Variants in DPYD observed in about 807,000 individuals in gnomAD.
The protein encoded by DPYD is dihydropyrimidine dehydrogenase [NADP(+)].
In DPYD, 109 loss-of-function variants were observed where a neutral mutation model predicts 116.2. That is an observed-to-expected ratio of 0.94 (90% CI 0.80 to 1.10). The LOEUF (loss-of-function observed/expected upper bound fraction) is 1.10. DPYD is among the 50% of genes least tolerant of loss of function. The pLI is 0.00. For synonymous variants in DPYD, 440 were observed against 432.0 expected (o/e 1.02, Z -0.23); for missense variants, 1,302 against 1,254.5 (o/e 1.04, Z -0.57).
chr1:97,593,177 G>A, intron 10 of DPYD, 41 bp downstream of exon 10: 2 of 1,593,428 alleles, frequency 1.3e-6, no homozygotes. Context: ...CCTAAAATCT[G>A]TTGGAGTACA....
intron 13 of DPYD, among the ~76,000 whole-genome samples, chr1:97,488,092 A>C (rs1678752330): frequency 6.6e-6 from 1 of 150,710 alleles, no homozygotes; most frequent in Non-Finnish European, 1.5e-5. Context: ...CAAGTCAGCA[A>C]AAAAAAAAGG....
intron 14 of DPYD, among the ~76,000 whole-genome samples, chr1:97,401,536 A>T (rs1673379321): frequency 6.6e-6 from 1 of 151,730 alleles, no homozygotes; most frequent in African/African-American, 2.4e-5. Flanking sequence ...CTGGTTTCAA[A>T]CTCCTGACCT....
intron 18 of DPYD, among the ~76,000 whole-genome samples, chr1:97,295,248 T>C (rs1330167339): frequency 6.6e-6 from 1 of 152,102 alleles, no homozygotes; most frequent in African/African-American, 2.4e-5. Context: ...TCTGGGCACA[T>C]AAAGATTGTA....
intron 20 of DPYD, among the ~76,000 whole-genome samples, chr1:97,173,446 G>A (rs1450608530): frequency 1.4e-5 from 2 of 140,056 alleles, no homozygotes; most frequent in African/African-American, 5.6e-5. Flanking sequence ...ACATATATAT[G>A]TAAAATGAGT....
At chr1:97,343,398 T>C (rs1278685869) in intron 16 of DPYD, among the ~76,000 whole-genome samples, 1 of 152,146 alleles carries the variant, frequency 6.6e-6, no homozygotes, top group Non-Finnish European at 1.5e-5. Context: ...AGGTTGCATG[T>C]GTATTATCAT....
intron 16 of DPYD, among the ~76,000 whole-genome samples, chr1:97,348,909 G>A (rs534417171): frequency 2.6e-5 from 4 of 152,288 alleles, no homozygotes; most frequent in African/African-American, 9.6e-5. Flanking sequence ...TTCTGCTTCA[G>A]TTCTCTGAGC....
intron 12 of DPYD, among the ~76,000 whole-genome samples, chr1:97,527,813 A>AAC (rs397802476): frequency 6.7e-6 from 1 of 148,728 alleles, no homozygotes; most frequent in Non-Finnish European, 1.5e-5. Context: ...AAAAAAAAAA[A>AAC]GGAAGAGAAA....
intron 20 of DPYD, among the ~76,000 whole-genome samples, chr1:97,098,883 A>C (rs1439203046): frequency 1.3e-5 from 2 of 152,158 alleles, no homozygotes; most frequent in Non-Finnish European, 2.9e-5. Flanking sequence ...ACAAATGTTA[A>C]TTAAAATACA....
At chr1:97,540,828 C>G (rs1650399171) in intron 12 of DPYD, among the ~76,000 whole-genome samples, 1 of 152,090 alleles carries the variant, frequency 6.6e-6, no homozygotes, top group Non-Finnish European at 1.5e-5. Context: ...AGCCATCAGT[C>G]AACTCATTAG....
chr1:97,477,360 C>T (rs573786339), intron 13 of DPYD, among the ~76,000 whole-genome samples: 2 of 152,248 alleles, frequency 1.3e-5, no homozygotes, highest in Admixed American at 6.5e-5. Context: ...CATCTTTAGG[C>T]TTCACTTCTA....
At chr1:97,119,573 G>T (rs1652264268) in intron 20 of DPYD, among the ~76,000 whole-genome samples, 1 of 152,072 alleles carries the variant, frequency 6.6e-6, no homozygotes. Flanking sequence ...AGAAGGAGGG[G>T]CAACCTTTCT....
chr1:97,310,016 CAGA>C (rs1197724042), intron 16 of DPYD, among the ~76,000 whole-genome samples: 1 of 151,640 alleles, frequency 6.6e-6, no homozygotes, highest in Non-Finnish European at 1.5e-5. Flanking sequence ...ATAAGCACTA[CAGA>C]ATGAGACTGA....
intron 20 of DPYD, among the ~76,000 whole-genome samples, chr1:97,179,180 T>C (rs1191524763): frequency 2.6e-5 from 4 of 152,222 alleles, no homozygotes; most frequent in Non-Finnish European, 5.9e-5. Flanking sequence ...CAAAGTCAGA[T>C]GGCATTCCAG....
intron 5 of DPYD, among the ~76,000 whole-genome samples, chr1:97,704,411 T>C (rs532358377): frequency 6.6e-6 from 1 of 152,136 alleles, no homozygotes; most frequent in African/African-American, 2.4e-5. Flanking sequence ...ATGAATAGAT[T>C]GTGTAAGTTA....
intron 3 of DPYD, chr1:97,797,097 A>T (rs1889229): frequency 0.76 from 115,374 of 152,034 alleles, 44,168 homozygotes; most frequent in East Asian, 0.98. Flanking sequence ...GCCAGTTTAT[A>T]TTTTACAACA....
intron 14 of DPYD, among the ~76,000 whole-genome samples, chr1:97,409,951 A>C (rs552755593): frequency 2.0e-5 from 3 of 152,070 alleles, no homozygotes; most frequent in Non-Finnish European, 4.4e-5. Context: ...GGTGGTGCTC[A>C]CCTGTAATCC....
At chr1:97,124,718 T>C (rs1328635082) in intron 20 of DPYD, among the ~76,000 whole-genome samples, 1 of 152,098 alleles carries the variant, frequency 6.6e-6, no homozygotes, top group Admixed American at 6.6e-5. Flanking sequence ...TCCTGCATCT[T>C]TGCACACCCC....
At chr1:97,555,248 T>C (rs1651608410) in intron 11 of DPYD, among the ~76,000 whole-genome samples, 1 of 152,118 alleles carries the variant, frequency 6.6e-6, no homozygotes, top group Admixed American at 6.6e-5. Context: ...TCTTCACCTC[T>C]TCATTTTCCT....
intron 10 of DPYD, among the ~76,000 whole-genome samples, chr1:97,583,159 C>G (rs913017945): frequency 7.2e-5 from 11 of 151,932 alleles, no homozygotes; most frequent in African/African-American, 2.7e-4. Flanking sequence ...TTAGTAGAGA[C>G]GGGGTTTCAC....
Sources: gnomAD v4.1 joint callset for allele counts (sites outside exome capture counted in the v4.1 genomes callset) on GRCh38, gnomAD v4.1.1 for gene constraint, MANE v1.5 for transcripts, NCBI Gene and HGNC (gene_info 2026-07-23, HGNC 2026-07-21) for gene names.